Variants in METTL16 observed in about 807,000 individuals in gnomAD.
METTL16 encodes the protein methyltransferase 16, RNA N6-adenosine, also known as RNA N(6)-adenosine-methyltransferase METTL16.
In METTL16, 19 loss-of-function variants were observed where a neutral mutation model predicts 57.9. That is an observed-to-expected ratio of 0.33 (90% CI 0.23 to 0.48). The LOEUF is 0.48. Ranked by LOEUF, METTL16 falls within the 20% of genes least tolerant of loss-of-function variation. The probability of loss-of-function intolerance (pLI) is 0.99; values close to 1 mark genes in which losing one functional copy is unlikely to be tolerated. For missense variants in METTL16, 434 were observed against 691.5 expected, an observed-to-expected ratio of 0.63 and a Z score of 4.18; for synonymous variants, 246 against 255.6, an observed-to-expected ratio of 0.96 and a Z score of 0.36.
intron 2 of METTL16, among the ~76,000 whole-genome samples, chr17:2,500,839 C>T (rs1295423301): frequency 1.3e-5 from 2 of 152,146 alleles, no homozygotes; most frequent in East Asian, 1.9e-4. Context: ...AAATCAAGGC[C>T]GGGCACATGG....
chr17:2,427,223 G>A (rs991686749), intron 8 of METTL16, among the ~76,000 whole-genome samples: 3 of 152,208 alleles, frequency 2.0e-5, no homozygotes, highest in Non-Finnish European at 2.9e-5. Flanking sequence ...TAAAGGATTA[G>A]GGTGAATGAG....
intron 6 of METTL16, among the ~76,000 whole-genome samples, chr17:2,445,793 A>C (rs772258212): frequency 2.0e-4 from 30 of 152,010 alleles, no homozygotes; most frequent in Admixed American, 3.9e-4. Context: ...CTTAAAAAAA[A>C]AAAATTAATT....
chr17:2,447,630 G>A (rs1439161828), intron 6 of METTL16, among the ~76,000 whole-genome samples: 1 of 84,730 alleles, frequency 1.2e-5, no homozygotes, highest in Admixed American at 9.6e-5. Flanking sequence ...GGTGAGGGGC[G>A]CCTCTGCCCG....
At chr17:2,485,011 G>A (rs1356251147) in intron 2 of METTL16, among the ~76,000 whole-genome samples, 1 of 152,198 alleles carries the variant, frequency 6.6e-6, no homozygotes, top group African/African-American at 2.4e-5. Context: ...CCTGGGCCAT[G>A]GACTGATATT....
intron 6 of METTL16, among the ~76,000 whole-genome samples, chr17:2,447,099 C>T (rs1183279555): frequency 6.9e-6 from 1 of 144,334 alleles, no homozygotes; most frequent in Non-Finnish European, 1.5e-5. Flanking sequence ...AAGTGAGGAG[C>T]GTCTCTGCCC....
chr17:2,468,811 C>T (rs2151565822), intron 4 of METTL16, among the ~76,000 whole-genome samples: 1 of 152,274 alleles, frequency 6.6e-6, no homozygotes, highest in South Asian at 2.1e-4. Context: ...CTGCTTGAGC[C>T]CAGGAGGCTG....
chr17:2,476,466 A>G (rs2067269114), intron 3 of METTL16, among the ~76,000 whole-genome samples: 1 of 152,290 alleles, frequency 6.6e-6, no homozygotes, highest in South Asian at 2.1e-4. Flanking sequence ...AGTGGAGAAC[A>G]GTGCAAAGAA....
intron 5 of METTL16, 68 bp from the exon 6 acceptor site, chr17:2,464,418 A>G (rs2067175193): frequency 4.2e-6 from 6 of 1,437,470 alleles, no homozygotes; most frequent in African/African-American, 2.9e-5. Flanking sequence ...AATGTAATCT[A>G]TCTCTAAGTT....
intron 6 of METTL16, among the ~76,000 whole-genome samples, chr17:2,448,846 G>A (rs1406129097): frequency 8.0e-6 from 1 of 124,482 alleles, no homozygotes; most frequent in Non-Finnish European, 1.8e-5. Context: ...GGCCAACATG[G>A]TGAAACCCCA....
At chr17:2,432,429 C>T (rs556348857) in intron 8 of METTL16, among the ~76,000 whole-genome samples, 1 of 152,218 alleles carries the variant, frequency 6.6e-6, no homozygotes, top group South Asian at 2.1e-4. Context: ...ATTAGCCAGG[C>T]ATGGTGGCAC....
In METTL16 at chr17:2,418,874, A is replaced by C. The variant is rs1204777370; in HGVS notation, c.*1096T>G. On this transcript the variant is annotated 3_prime_UTR_variant, in exon 10 of 10. Transcript: ENST00000263092. ...AACCCTAGGCTGCTGATGCAACATC[A>C]AGCACAGCAAAAGGTCACCCCTTTC... 6.6e-6 allele frequency: 1 copy of C among 152,252 alleles called. No individual in the cohort carries two copies. Among genetic ancestry groups the C allele is most frequent in the Non-Finnish European group, 1.5e-5 (1 of 68,076 alleles). The allele number at this position is 152,252 out of a possible 1,614,324, so 9.4% of individuals were successfully genotyped here. A position where few individuals can be genotyped will look rare whatever the true frequency, so the allele number is the denominator to read the frequency against.
rs367906444 is a variant in METTL16 at position 2,463,611 on chromosome 17, A to C, written c.728+597T>G. Among the ~76,000 whole-genome samples the C allele has an allele frequency of 4.6e-5, 7 of 151,812 alleles. No individual in the cohort carries two copies. In the East Asian group the frequency reaches 1.2e-3, roughly 26 times the overall value. On this transcript the variant is annotated intron_variant, in intron 6 of 9. Coordinates refer to ENST00000263092, the MANE Select transcript of METTL16 (RefSeq NM_024086.4). Reference sequence around the variant, plus strand: ...CTAGTAGCTGGGACTACAGGCACCCACCACCACACCCAGCTCATTTTTATA... The same window carrying C: ...CTAGTAGCTGGGACTACAGGCACCCCCCACCACACCCAGCTCATTTTTATA...
chr17:2,460,932 G>A (rs1273879295), intron 6 of METTL16, among the ~76,000 whole-genome samples: 1 of 150,810 alleles, frequency 6.6e-6, no homozygotes, highest in Non-Finnish European at 1.5e-5. Context: ...ACATGACTTG[G>A]TTAACTCTTT....
At chr17:2,477,325 G>A in intron 3 of METTL16, 5 of 213,474 alleles carry the variant, frequency 2.3e-5, no homozygotes, top group Non-Finnish European at 4.8e-5. Context: ...GCCAGGTGTA[G>A]TAAAAAAGAA....
rs191320104 is a variant in METTL16, at chr17:2,442,888, T to C, written c.729-1329A>G. 1.7e-3 allele frequency among the ~76,000 whole-genome samples: 259 copies of C among 151,194 alleles called. 4 individuals carry two copies. The highest frequency in any genetic ancestry group is 5.8e-3 in the African/African-American group (240 of 41,204). Reference sequence around the variant, plus strand: ...TGTTGCCCAGGCTGGAGTGCAGTGGTACCATCTGGGCTCACCGCCACCTCC... The same window carrying C: ...TGTTGCCCAGGCTGGAGTGCAGTGGCACCATCTGGGCTCACCGCCACCTCC... On this transcript the variant is annotated intron_variant, in intron 6 of 9. Coordinates refer to ENST00000263092, the MANE Select transcript of METTL16 (RefSeq NM_024086.4).
chr17:2,456,024 T>C (rs2067107861), intron 6 of METTL16, among the ~76,000 whole-genome samples: 2 of 151,932 alleles, frequency 1.3e-5, no homozygotes, highest in Admixed American at 6.6e-5. Context: ...TAAAATAAGG[T>C]AGTCCCTTAT....
chr17:2,442,788 C>A (rs2066963565), intron 6 of METTL16, among the ~76,000 whole-genome samples: 1 of 151,678 alleles, frequency 6.6e-6, no homozygotes, highest in Non-Finnish European at 1.5e-5. Flanking sequence ...TTCAAAAACA[C>A]AAACTACCCA....
chr17:2,489,732 C>CTAAAAAAAAAAAAA (rs2067371158), intron 2 of METTL16, among the ~76,000 whole-genome samples: 1 of 60,330 alleles, frequency 1.7e-5, no homozygotes, highest in African/African-American at 8.6e-5. Flanking sequence ...GAGCGAGACT[C>CTAAAAAAAAAAAAA]AAAAAAAAAA....
intron 8 of METTL16, among the ~76,000 whole-genome samples, chr17:2,433,169 G>T (rs1164707481): frequency 1.3e-5 from 2 of 152,218 alleles, no homozygotes; most frequent in Non-Finnish European, 2.9e-5. Flanking sequence ...CTCTATGCAA[G>T]TAAGTTGGAA....
Sources: allele counts gnomAD v4.1 joint callset (sites outside exome capture counted in the v4.1 genomes callset), GRCh38; gene constraint gnomAD v4.1.1; transcripts MANE v1.5; gene names NCBI Gene and HGNC (gene_info 2026-07-23, HGNC 2026-07-21).